The following B3GAT1 variants were observed in gnomAD, a reference collection of about 807,000 sequenced individuals.
B3GAT1 encodes the protein galactosylgalactosylxylosylprotein 3-beta-glucuronosyltransferase 1.
In B3GAT1, 11 loss-of-function variants were observed where a neutral mutation model predicts 28.4. The ratio of observed to expected loss-of-function variants is 0.39; its 90% CI spans 0.24 to 0.64. The LOEUF (loss-of-function observed/expected upper bound fraction) is 0.64, where lower values mean the gene tolerates loss of function less well. Ranked by LOEUF, B3GAT1 falls within the 30% of genes least tolerant of loss-of-function variation. The probability of loss-of-function intolerance (pLI) is 0.50; values close to 1 mark genes in which losing one functional copy is unlikely to be tolerated. For missense variants in B3GAT1, 375 were observed against 491.0 expected (o/e 0.76, Z 2.23); for synonymous variants, 255 against 223.1 (o/e 1.14, Z -1.27).
intron 1 of B3GAT1, among the ~76,000 whole-genome samples, chr11:134,407,608 C>T (rs1944759280): frequency 6.6e-6 from 1 of 152,276 alleles, no homozygotes; most frequent in South Asian, 2.1e-4. Context: ...GCCTTAATCC[C>T]TGCCAGGCAC....
At chr11:134,383,588 C>T in intron 3 of B3GAT1, 92 bp downstream of exon 3, 3 of 1,416,362 alleles carry the variant, frequency 2.1e-6, no homozygotes, top group South Asian at 3.0e-5. Flanking sequence ...GTTCCCCCTG[C>T]GCGCGCCTCC....
At chr11:134,403,359 T>C (rs1314417049) in intron 1 of B3GAT1, among the ~76,000 whole-genome samples, 2 of 152,174 alleles carry the variant, frequency 1.3e-5, no homozygotes, top group Non-Finnish European at 2.9e-5. Context: ...CTTCCCTCCC[T>C]CATAGTCCCT....
chr11:134,410,586 G>A (rs557591343), intron 1 of B3GAT1, among the ~76,000 whole-genome samples: 1 of 152,326 alleles, frequency 6.6e-6, no homozygotes, highest in Non-Finnish European at 1.5e-5. Flanking sequence ...GGTCCAGTAA[G>A]GCCATTAATG....
intron 1 of B3GAT1, chr11:134,389,062 A>G (rs982768257): frequency 2.0e-5 from 3 of 152,220 alleles, no homozygotes; most frequent in African/African-American, 7.2e-5. Context: ...ACTAATTTAC[A>G]TTCCCACCAA....
chr11:134,400,930 G>A (rs548682563), intron 1 of B3GAT1, among the ~76,000 whole-genome samples: 1 of 152,166 alleles, frequency 6.6e-6, no homozygotes, highest in Non-Finnish European at 1.5e-5. Context: ...TAAAAAGTGG[G>A]CAAAACACAT....
intron 1 of B3GAT1, among the ~76,000 whole-genome samples, chr11:134,404,450 T>A (rs2136336508): frequency 6.6e-6 from 1 of 152,252 alleles, no homozygotes. Flanking sequence ...ATGTTATGTG[T>A]TTTTTAAATA....
Position 134,387,641 on chromosome 11 carries a change from T to C in B3GAT1, c.19A>G (p.Ile7Val), listed in dbSNP as rs1309423361. MPKRRD[I>V]LAIVLIVLPW... Reference sequence around the variant, plus strand: ...AGCACGATGAGGACGATCGCTAGGATGTCCCGTCTCTTCGGCATCTCCAAG... The same window carrying C: ...AGCACGATGAGGACGATCGCTAGGACGTCCCGTCTCTTCGGCATCTCCAAG... The change falls in exon 2 of 6, where the codon ATC becomes GTC. Residue 7 changes from isoleucine to valine, a missense_variant. Ile to Val is a conservative substitution (Grantham distance 29, BLOSUM62 3). Coordinates refer to ENST00000312527, the MANE Select transcript of B3GAT1 (RefSeq NM_054025.3). 6.2e-7 allele frequency: 1 copy of C among 1,614,028 alleles called. No individual in the cohort carries two copies. The highest frequency in any genetic ancestry group is 2.2e-5 in the East Asian group (1 of 44,898).
intron 1 of B3GAT1, among the ~76,000 whole-genome samples, chr11:134,405,486 T>C (rs1488464004): frequency 6.6e-6 from 1 of 152,220 alleles, no homozygotes; most frequent in African/African-American, 2.4e-5. Flanking sequence ...TTGCCGCCTG[T>C]GGCCTGAAGG....
chr11:134,404,148 C>T (rs1216859462), intron 1 of B3GAT1, among the ~76,000 whole-genome samples: 1 of 151,456 alleles, frequency 6.6e-6, no homozygotes, highest in Non-Finnish European at 1.5e-5. Context: ...TTAGCAATAT[C>T]TCCTAATGCT....
chr11:134,394,035 GGCCCTCCT>G (rs1944458971), intron 1 of B3GAT1, among the ~76,000 whole-genome samples: 1 of 152,022 alleles, frequency 6.6e-6, no homozygotes, highest in Admixed American at 6.6e-5. Flanking sequence ...ACCTAACCCC[GGCCCTCCT>G]GCCCCCAGCA....
rs1286701732 is a variant in B3GAT1 at position 134,380,543 on chromosome 11, G to C, written c.*219C>G. ...CTGGCCATCAGGTCTCTCGGGCCCT[G>C]GTCACGCTGGATGGAGAGAACAACA... is the stretch of plus-strand genomic sequence containing the variant. On this transcript the variant is annotated 3_prime_UTR_variant, in exon 6 of 6. Transcript: ENST00000312527. The C allele has an allele frequency of 1.3e-5, 2 of 152,756 alleles. No individual in the cohort carries two copies. Among genetic ancestry groups the C allele is most frequent in the African/African-American group, 4.8e-5 (2 of 41,472 alleles). The allele number at this position is 152,756 out of a possible 1,614,324, so 9.5% of individuals were successfully genotyped here. A position where few individuals can be genotyped will look rare whatever the true frequency, so the allele number is the denominator to read the frequency against.
chr11:134,408,856 G>GATTGGCTCCA (rs1944790623), intron 1 of B3GAT1, among the ~76,000 whole-genome samples: 1 of 126,598 alleles, frequency 7.9e-6, no homozygotes, highest in African/African-American at 3.4e-5. Context: ...ATTCCAGTGG[G>GATTGGCTCCA]GTGAGGAGGG....
Position 134,396,903 on chromosome 11 carries a change from T to C in B3GAT1, c.-281-8963A>G, listed in dbSNP as rs181648678. Among the ~76,000 whole-genome samples, 12 of 152,212 alleles carry C rather than the reference T, an allele frequency of 7.9e-5. No individual in the cohort carries two copies. The East Asian group carries it at 2.3e-3, about 29-fold the overall frequency. On this transcript the variant is annotated intron_variant, in intron 1 of 5. Transcript: ENST00000312527. ...CACCAGCACGAGGCCCCTGACGGCG[T>C]CCTTTGATTTCCCTTGGCCTCAGCT...
chr11:134,382,020 A>G lies in B3GAT1; in HGVS notation c.923T>C (p.Leu308Pro). 6.2e-7 allele frequency: 1 copy of G among 1,614,034 alleles called. No individual in the cohort carries two copies. Among genetic ancestry groups the G allele is most frequent in the Non-Finnish European group, 8.5e-7 (1 of 1,179,994 alleles). The change falls in exon 5 of 6, where the codon CTG becomes CCG. Residue 308 changes from leucine to proline, a missense_variant. Physicochemically the swap from Leu to Pro is moderately conservative, Grantham distance 98. Transcript: ENST00000312527. Reference sequence around the variant, plus strand: ...CTTCTCTGTCCGTGTGTGCCACACCAGGATCTGTGTGCCCAGAGATGCAAA... The same window carrying G: ...CTTCTCTGTCCGTGTGTGCCACACCGGGATCTGTGTGCCCAGAGATGCAAA... ...EPKAANCTKI[L>P]VWHTRTEKPV...
intron 1 of B3GAT1, among the ~76,000 whole-genome samples, chr11:134,396,301 A>G (rs1944504381): frequency 6.6e-6 from 1 of 151,928 alleles, no homozygotes; most frequent in African/African-American, 2.4e-5. Context: ...CAGATGGGCC[A>G]TGTCTGGCCC....
rs1223653456 is a variant in B3GAT1 at position 134,378,581 on chromosome 11, G to A, written c.*2181C>T. 6.6e-6 allele frequency: 1 copy of A among 152,232 alleles called. No homozygotes were observed. Among genetic ancestry groups the A allele is most frequent in the African/African-American group, 2.4e-5 (1 of 41,448 alleles). The allele number at this position is 152,232 out of a possible 1,614,324, so 9.4% of individuals were successfully genotyped here. ...ACAGTTAAATTAAAACAGACCAGATGCAGCTGCCTGGGTGCCACCCTCACC... is the reference window on the plus strand; with the variant it reads ...ACAGTTAAATTAAAACAGACCAGATACAGCTGCCTGGGTGCCACCCTCACC... On this transcript the variant is annotated 3_prime_UTR_variant, in exon 6 of 6. Transcript: ENST00000312527.
chr11:134,398,645 C>T (rs1944550781), intron 1 of B3GAT1, among the ~76,000 whole-genome samples: 1 of 150,896 alleles, frequency 6.6e-6, no homozygotes, highest in African/African-American at 2.5e-5. Flanking sequence ...TCCCCTTGCA[C>T]TCCTCTGGGC....
chr11:134,401,819 G>C (rs1156881439), intron 1 of B3GAT1, among the ~76,000 whole-genome samples: 1 of 152,172 alleles, frequency 6.6e-6, no homozygotes, highest in African/African-American at 2.4e-5. Context: ...GAGGCACCTT[G>C]GCCCCTTCCT....
At chr11:134,383,147 C>T (rs1944175442) in intron 3 of B3GAT1, 141 bp from the exon 4 acceptor site, 2 of 954,160 alleles carry the variant, frequency 2.1e-6, no homozygotes, top group Non-Finnish European at 3.0e-6. Context: ...TCCAGTACAG[C>T]CCTGCCCCCA....
Sources: allele counts gnomAD v4.1 joint callset (sites outside exome capture counted in the v4.1 genomes callset), GRCh38; gene constraint gnomAD v4.1.1; transcripts MANE v1.5; gene names NCBI Gene and HGNC (gene_info 2026-07-23, HGNC 2026-07-21).